Variants in ZNF618 observed in about 807,000 individuals in gnomAD.
The protein encoded by ZNF618 is neural precursor cell expressed, developmentally down-regulated 10.
A neutral mutation model predicts 103.0 loss-of-function variants in ZNF618; 34 were observed. That is an observed-to-expected ratio of 0.33 (90% CI 0.25 to 0.44). The LOEUF (loss-of-function observed/expected upper bound fraction) is 0.44, where lower values mean the gene tolerates loss of function less well. ZNF618 is among the 20% of genes least tolerant of loss of function. The probability of loss-of-function intolerance (pLI) is 1.00; values close to 1 mark genes in which losing one functional copy is unlikely to be tolerated. For synonymous variants in ZNF618, 551 were observed against 542.2 expected, an observed-to-expected ratio of 1.02 and a Z score of -0.23; for missense variants, 1,059 against 1,295.4, an observed-to-expected ratio of 0.82 and a Z score of 2.80.
chr9:113,920,519 G>C (rs7034105), intron 1 of ZNF618, among the ~76,000 whole-genome samples: 1 of 151,234 alleles, frequency 6.6e-6, no homozygotes, highest in Non-Finnish European at 1.5e-5. Flanking sequence ...GTCCTGCCTC[G>C]GCCTCCCACG....
intron 2 of ZNF618, among the ~76,000 whole-genome samples, chr9:113,979,673 G>T (rs1391118452): frequency 6.6e-6 from 1 of 152,170 alleles, no homozygotes; most frequent in Non-Finnish European, 1.5e-5. Context: ...ACCTTTCCTG[G>T]GCTTGGTCCT....
chr9:114,008,773 G>T (rs1841985019), intron 9 of ZNF618, among the ~76,000 whole-genome samples: 1 of 152,192 alleles, frequency 6.6e-6, no homozygotes, highest in South Asian at 2.1e-4. Context: ...AGGCAGCCAG[G>T]CTGGGGCTGA....
At chr9:113,933,400 G>A (rs2131887896) in intron 1 of ZNF618, among the ~76,000 whole-genome samples, 1 of 152,314 alleles carries the variant, frequency 6.6e-6, no homozygotes, top group South Asian at 2.1e-4. Context: ...GTGACCTCGG[G>A]TCCAAGCCAA....
rs568106787 is a variant in ZNF618, at chr9:114,005,169, G to A, written c.551-2181G>A. ...TTAGGCAGCATGTCTGAGGTCTGCC[G>A]CACTTATACCTGGTAGAGTTGGGTT... On this transcript the variant is annotated intron_variant, in intron 6 of 14. Coordinates refer to ENST00000374126, the MANE Select transcript of ZNF618 (RefSeq NM_001318042.2). Among the ~76,000 whole-genome samples the A allele has an allele frequency of 3.9e-5, 6 of 152,270 alleles. 1 individual carries two copies. Among genetic ancestry groups the A allele is most frequent in the South Asian group, 4.2e-4 (2 of 4,814 alleles).
At chr9:114,017,496 T>G (rs889825276) in intron 10 of ZNF618, among the ~76,000 whole-genome samples, 1 of 152,188 alleles carries the variant, frequency 6.6e-6, no homozygotes, top group Admixed American at 6.5e-5. Flanking sequence ...TTGAGGGGTC[T>G]CCATCCTCAG....
At chr9:114,002,166 G>C (rs1352997681) in intron 5 of ZNF618, 93 bp downstream of exon 5, 1 of 1,096,030 alleles carries the variant, frequency 9.1e-7, no homozygotes. Flanking sequence ...GACCCCAGAG[G>C]CCCTGACAGC....
intron 1 of ZNF618, among the ~76,000 whole-genome samples, chr9:113,962,064 AAG>A (rs1490568407): frequency 1.3e-5 from 2 of 152,206 alleles, no homozygotes; most frequent in Non-Finnish European, 2.9e-5. Flanking sequence ...TTCTTGGTCA[AAG>A]AGGGATATTT....
intron 1 of ZNF618, among the ~76,000 whole-genome samples, chr9:113,898,167 G>A (rs1830203890): frequency 6.6e-6 from 1 of 152,118 alleles, no homozygotes; most frequent in Non-Finnish European, 1.5e-5. Context: ...GTTTCACTCT[G>A]TTCTTGTCTT....
At chr9:114,035,937 G>A (rs1178523559) in intron 12 of ZNF618, among the ~76,000 whole-genome samples, 1 of 152,236 alleles carries the variant, frequency 6.6e-6, no homozygotes, top group Non-Finnish European at 1.5e-5. Flanking sequence ...AGCTGGGGCT[G>A]TGACACCCTG....
chr9:114,010,701 T>G (rs542255121), intron 9 of ZNF618, among the ~76,000 whole-genome samples: 1 of 152,268 alleles, frequency 6.6e-6, no homozygotes, highest in East Asian at 1.9e-4. Flanking sequence ...AGACTCCATC[T>G]CAAAAAATAA....
intron 1 of ZNF618, among the ~76,000 whole-genome samples, chr9:113,902,766 T>C: frequency 6.6e-6 from 1 of 152,230 alleles, no homozygotes; most frequent in East Asian, 1.9e-4. Flanking sequence ...CCATAGTTTA[T>C]ATAACCAGTC....
intron 10 of ZNF618, among the ~76,000 whole-genome samples, chr9:114,022,876 A>G (rs1049673581): frequency 3.3e-5 from 5 of 152,096 alleles, no homozygotes; most frequent in Admixed American, 3.3e-4. Flanking sequence ...CCCTTTATAA[A>G]GTAGTGCAAT....
intron 5 of ZNF618, among the ~76,000 whole-genome samples, 177 bp from the exon 6 acceptor site, chr9:114,002,447 G>A (rs1841319667): frequency 6.6e-6 from 1 of 152,196 alleles, no homozygotes; most frequent in Admixed American, 6.5e-5. Flanking sequence ...CAGACAGGAG[G>A]GATGGCGTCT....
intron 1 of ZNF618, among the ~76,000 whole-genome samples, chr9:113,900,055 A>AT (rs1414589428): frequency 2.6e-5 from 4 of 151,770 alleles, no homozygotes; most frequent in Non-Finnish European, 5.9e-5. Flanking sequence ...TGCCATTTCT[A>AT]TTTTTATTTT....
chr9:114,050,089 G>T lies in ZNF618; in HGVS notation c.2787G>T (p.Ala929=). Residue 929 remains alanine, a synonymous_variant, in exon 15 of 15, where the codon GCG becomes GCT. Transcript: ENST00000374126. Reference sequence around the variant, plus strand: ...GGTGTGTAAATATGTGTGAACAAGCGCTTCTAATCAAACGGAGGCGGCTGC... The same window carrying T: ...GGTGTGTAAATATGTGTGAACAAGCTCTTCTAATCAAACGGAGGCGGCTGC... ...RSGCVNMCEQ[A]LLIKRRRLLS... 1 of 1,611,322 alleles carries T rather than the reference G, an allele frequency of 6.2e-7. No homozygotes were observed. The highest frequency in any genetic ancestry group is 8.5e-7 in the Non-Finnish European group (1 of 1,178,948).
At chr9:113,896,939 T>C (rs561311674) in intron 1 of ZNF618, among the ~76,000 whole-genome samples, 1 of 152,266 alleles carries the variant, frequency 6.6e-6, no homozygotes, top group South Asian at 2.1e-4. Flanking sequence ...TGCTTTTACC[T>C]TTAATTCTAG....
At chr9:113,888,092 C>T (rs1216340638) in intron 1 of ZNF618, among the ~76,000 whole-genome samples, 1 of 151,880 alleles carries the variant, frequency 6.6e-6, no homozygotes, top group African/African-American at 2.4e-5. Context: ...AAGGAATTGC[C>T]CAAGGCTACA....
chr9:113,909,619 G>A (rs1361196794), intron 1 of ZNF618, among the ~76,000 whole-genome samples: 1 of 152,108 alleles, frequency 6.6e-6, no homozygotes, highest in Admixed American at 6.5e-5. Context: ...GCTTGAAGGT[G>A]CCACCGTCTC....
At chr9:113,909,419 C>A (rs944902972) in intron 1 of ZNF618, among the ~76,000 whole-genome samples, 1 of 152,178 alleles carries the variant, frequency 6.6e-6, no homozygotes, top group Admixed American at 6.5e-5. Context: ...CAGACCATGG[C>A]TGCGCTCTGT....
Sources: allele counts gnomAD v4.1 joint callset (sites outside exome capture counted in the v4.1 genomes callset), GRCh38; gene constraint gnomAD v4.1.1; transcripts MANE v1.5; gene names NCBI Gene and HGNC (gene_info 2026-07-23, HGNC 2026-07-21).